The following SAP130 variants were observed in gnomAD, a reference collection of about 807,000 sequenced individuals.
The protein encoded by SAP130 is Sin3A associated protein 130, also known as histone deacetylase complex subunit SAP130.
SAP130 carries 16 observed loss-of-function variants against 103.2 expected under a neutral mutation model. The ratio of observed to expected loss-of-function variants is 0.16; its 90% CI spans 0.10 to 0.24. The LOEUF (loss-of-function observed/expected upper bound fraction) is 0.24. Among genes scored for constraint, SAP130 ranks in the 10% least tolerant of loss-of-function variants. SAP130 has a pLI of 1.00. For missense variants in SAP130, 990 were observed against 1,359.7 expected (o/e 0.73, Z 4.28); for synonymous variants, 477 against 497.0 (o/e 0.96, Z 0.53).
intron 18 of SAP130, among the ~76,000 whole-genome samples, chr2:127,948,383 G>C (rs1011652860): frequency 1.4e-5 from 2 of 144,992 alleles, no homozygotes; most frequent in Non-Finnish European, 3.0e-5. Flanking sequence ...ACCCAGGATG[G>C]AGTGTGGTAG....
chr2:128,022,614 A>G (rs527363112), intron 2 of SAP130, among the ~76,000 whole-genome samples: 1 of 152,226 alleles, frequency 6.6e-6, no homozygotes, highest in East Asian at 1.9e-4. Flanking sequence ...AACCATTCCA[A>G]CACTTGGTAT....
intron 7 of SAP130, among the ~76,000 whole-genome samples, chr2:128,000,937 G>A (rs1162007187): frequency 6.6e-6 from 1 of 152,066 alleles, no homozygotes; most frequent in Non-Finnish European, 1.5e-5. Context: ...ACTGAACTCT[G>A]TGGATAAATC....
intron 15 of SAP130, among the ~76,000 whole-genome samples, chr2:127,973,474 C>T (rs944341156): frequency 3.9e-5 from 6 of 152,198 alleles, no homozygotes; most frequent in Non-Finnish European, 5.9e-5. Flanking sequence ...TCGGGTGATC[C>T]GCCCGCCTGA....
At chr2:127,981,440 ACT>A (rs1681898682) in intron 14 of SAP130, among the ~76,000 whole-genome samples, 2 of 94,116 alleles carry the variant, frequency 2.1e-5, no homozygotes, top group Non-Finnish European at 2.1e-5. Flanking sequence ...CCTGCACCCG[ACT>A]CAGCTCCCTC....
chr2:127,984,824 T>C (rs1165508904), intron 14 of SAP130, among the ~76,000 whole-genome samples: 1 of 152,170 alleles, frequency 6.6e-6, no homozygotes, highest in African/African-American at 2.4e-5. Context: ...TTCAGGCTCC[T>C]GCTAAAGTCG....
At chr2:127,994,068 A>G (rs2897216) in intron 11 of SAP130, among the ~76,000 whole-genome samples, 3,987 of 152,360 alleles carry the variant, frequency 0.026, 129 homozygotes, top group East Asian at 0.14. Flanking sequence ...AAAGTTAAAT[A>G]CATCATGATC....
chr2:127,950,783 C>T lies in SAP130; in HGVS notation c.2423-375G>A, dbSNP rs187304436. Among the ~76,000 whole-genome samples, 5 of 152,286 alleles carry T rather than the reference C, an allele frequency of 3.3e-5. No individual in the cohort carries two copies. The South Asian group carries it at 8.3e-4, about 25-fold the overall frequency. On this transcript the variant is annotated intron_variant, in intron 16 of 20. Coordinates refer to ENST00000643581, the MANE Select transcript of SAP130 (RefSeq NM_001330301.2). ...CAGGTGTGATCTCCTTGTCTTCTTT[C>T]TGTGATCCTGGAACTCAGACGAGAT...
chr2:127,947,764 C>CTGTGTGTGTGAGTGTG (rs147211610), intron 18 of SAP130, among the ~76,000 whole-genome samples: 48,141 of 143,178 alleles, frequency 0.34, 9,532 homozygotes, highest in Non-Finnish European at 0.42. Flanking sequence ...TTGTGTGTGT[C>CTGTGTGTGTGAGTGTG]TGTGTGTGTG....
At chr2:128,003,138 A>C (rs1559087653) in intron 7 of SAP130, among the ~76,000 whole-genome samples, 1 of 151,676 alleles carries the variant, frequency 6.6e-6, no homozygotes, top group African/African-American at 2.4e-5. Context: ...AAAAAAAAAG[A>C]CACTTGAGCC....
At chr2:127,974,184 T>C (rs1013687861) in intron 15 of SAP130, among the ~76,000 whole-genome samples, 3 of 152,220 alleles carry the variant, frequency 2.0e-5, no homozygotes, top group Non-Finnish European at 2.9e-5. Flanking sequence ...CTCAGCACAG[T>C]AGCCAGAGTG....
chr2:128,014,934 AC>A lies in SAP130; in HGVS notation c.508-21del, dbSNP rs1292984751. 1 of 1,597,322 alleles carries A rather than the reference AC, an allele frequency of 6.3e-7. No homozygotes were observed. The highest frequency in any genetic ancestry group is 1.7e-5 in the Admixed American group (1 of 59,772). ...ATGGCCCTGAAAGAAAGAGGATAGA[AC>A]GTTATTTTTACATGTTTGCTCTTAG... On this transcript the variant is annotated intron_variant, in intron 4 of 20. Coordinates refer to ENST00000643581, the MANE Select transcript of SAP130 (RefSeq NM_001330301.2).
chr2:128,004,843 T>G (rs1683844918), intron 7 of SAP130, among the ~76,000 whole-genome samples: 1 of 152,154 alleles, frequency 6.6e-6, no homozygotes, highest in Non-Finnish European at 1.5e-5. Context: ...CACAGGACAC[T>G]GAGTCATTTG....
chr2:128,024,828 G>A (rs1015630982), intron 2 of SAP130, among the ~76,000 whole-genome samples: 1 of 151,830 alleles, frequency 6.6e-6, no homozygotes, highest in East Asian at 1.9e-4. Context: ...GCAGTGAGCT[G>A]AGATCGCACC....
At chr2:128,026,385 G>A in intron 1 of SAP130, 87 bp from the exon 2 acceptor site, 2 of 894,046 alleles carry the variant, frequency 2.2e-6, no homozygotes, top group South Asian at 1.6e-5. Flanking sequence ...GTACCTATGA[G>A]ATAGTCCCTT....
chr2:127,993,375 A>T, intron 11 of SAP130, 67 bp from the exon 12 acceptor site: 2 of 1,494,942 alleles, frequency 1.3e-6, no homozygotes, highest in Non-Finnish European at 1.8e-6. Context: ...ATGATCCTAT[A>T]CCCCAGTTCC....
Position 127,941,972 on chromosome 2 carries a change from T to G in SAP130, c.*34A>C. ...CCCCCACCCCCACCATCATTCTTCA[T>G]AAATTTGCTTCCAATCTCCTGATTG... On this transcript the variant is annotated 3_prime_UTR_variant, in exon 21 of 21. Transcript: ENST00000643581. The G allele has an allele frequency of 1.3e-6, 1 of 747,396 alleles. No homozygotes were observed. 46.3% of individuals were successfully genotyped at this position (747,396 alleles called of 1,614,324 possible). A position where few individuals can be genotyped will look rare whatever the true frequency, so the allele number is the denominator to read the frequency against.
intron 19 of SAP130, among the ~76,000 whole-genome samples, chr2:127,945,051 G>A (rs1298990418): frequency 2.6e-5 from 4 of 152,142 alleles, no homozygotes; most frequent in African/African-American, 9.7e-5. Flanking sequence ...TACTCAGCAA[G>A]GAGCAGGAAT....
intron 15 of SAP130, among the ~76,000 whole-genome samples, chr2:127,960,224 C>T (rs1390858019): frequency 6.6e-6 from 1 of 152,086 alleles, no homozygotes; most frequent in Non-Finnish European, 1.5e-5. Flanking sequence ...GGTGCTCTTA[C>T]AAATCAAGGG....
chr2:127,972,097 G>A (rs1043862737), intron 15 of SAP130, among the ~76,000 whole-genome samples: 1 of 152,042 alleles, frequency 6.6e-6, no homozygotes, highest in African/African-American at 2.4e-5. Flanking sequence ...ATTGACTACT[G>A]CAAATAAAGC....
Sources: gnomAD v4.1 joint callset for allele counts (sites outside exome capture counted in the v4.1 genomes callset) on GRCh38, gnomAD v4.1.1 for gene constraint, MANE v1.5 for transcripts, NCBI Gene and HGNC (gene_info 2026-07-23, HGNC 2026-07-21) for gene names.